The following IQCH variants were observed in gnomAD, a reference collection of about 807,000 sequenced individuals.
The protein encoded by IQCH is IQ domain-containing protein H.
IQCH carries 98 observed loss-of-function variants against 117.0 expected under a neutral mutation model. That is an observed-to-expected ratio of 0.84 (90% CI 0.71 to 0.99). IQCH has a LOEUF of 0.99. Among genes scored for constraint, IQCH ranks in the 50% least tolerant of loss-of-function variants. The pLI is 0.00. For synonymous variants in IQCH, 412 were observed against 448.2 expected, an observed-to-expected ratio of 0.92 and a Z score of 1.02; for missense variants, 1,102 against 1,243.8, an observed-to-expected ratio of 0.89 and a Z score of 1.72.
In IQCH at chr15:67,475,667, G is replaced by GT. The variant is rs757948715; in HGVS notation, c.2677-26dup. 2 of 1,601,894 alleles carry GT rather than the reference G, an allele frequency of 1.2e-6. No individual in the cohort carries two copies. The highest frequency in any genetic ancestry group is 1.7e-6 in the Non-Finnish European group (2 of 1,174,274). ...AAATTACAAGTTTATTTAAATATCT[G>GT]TTTAATATTCAGTTGTGCTCCTTTC... On this transcript the variant is annotated intron_variant, in intron 17 of 20. Transcript: ENST00000335894. The surrounding 1 kb of genome is among the most constrained non-coding windows in gnomAD (Gnocchi z 5.7).
intron 8 of IQCH, among the ~76,000 whole-genome samples, chr15:67,363,512 C>T (rs1045698020): frequency 6.6e-6 from 1 of 152,072 alleles, no homozygotes; most frequent in Non-Finnish European, 1.5e-5. Flanking sequence ...TCCCAAAGTG[C>T]TGGGATTACA....
intron 3 of IQCH, among the ~76,000 whole-genome samples, chr15:67,264,268 G>T (rs186467727): frequency 1.3e-4 from 20 of 152,334 alleles, no homozygotes; most frequent in Admixed American, 1.3e-3. Flanking sequence ...TGCCTGCAAG[G>T]CACTTGTATT....
chr15:67,371,101 C>A (rs981265790), intron 8 of IQCH, among the ~76,000 whole-genome samples: 3 of 152,050 alleles, frequency 2.0e-5, no homozygotes, highest in Non-Finnish European at 4.4e-5. Flanking sequence ...CATACCTAAG[C>A]AAGAAGAAAC....
chr15:67,431,569 T>C lies in IQCH; in HGVS notation c.2505+9992T>C, dbSNP rs1484818156. 2.0e-5 allele frequency among the ~76,000 whole-genome samples: 3 copies of C among 152,072 alleles called. 1 individual carries two copies. Among genetic ancestry groups the C allele is most frequent in the African/African-American group, 7.2e-5 (3 of 41,464 alleles). ...AATACCTGGGTGATGAAATAATGTG[T>C]ACAACAAACCCCCATGGCACAAGTT... On this transcript the variant is annotated intron_variant, in intron 16 of 20. Coordinates refer to ENST00000335894, the MANE Select transcript of IQCH (RefSeq NM_001031715.3). This position sits in a 1 kb window ranked among gnomAD's most constrained non-coding sequence, Gnocchi z 4.8.
In IQCH at chr15:67,467,644, CA is replaced by C. The variant is rs1165561322; in HGVS notation, c.2676+2348del. ...TCCTGTGCATGTGTACACATATGATCAGCGATTTTTTTAAAAAGAAGCATGT... is the reference window on the plus strand; with the variant it reads ...TCCTGTGCATGTGTACACATATGATCGCGATTTTTTTAAAAAGAAGCATGT... On this transcript the variant is annotated intron_variant, in intron 17 of 20. Transcript: ENST00000335894. This position sits in a 1 kb window ranked among gnomAD's most constrained non-coding sequence, Gnocchi z 5.7. 1.3e-5 allele frequency among the ~76,000 whole-genome samples: 2 copies of C among 152,190 alleles called. No homozygotes were observed. The highest frequency in any genetic ancestry group is 4.8e-5 in the African/African-American group (2 of 41,440).
Position 67,395,571 on chromosome 15 carries a change from G to A in IQCH, c.1905+8G>A. Reference sequence around the variant, plus strand: ...ATTTATAGTCAGCAACAGGTATGTGGGGTGGACAAGTGAAGCTCTGTTCAA... The same window carrying A: ...ATTTATAGTCAGCAACAGGTATGTGAGGTGGACAAGTGAAGCTCTGTTCAA... On this transcript the variant is annotated splice_region_variant and intron_variant, in intron 13 of 20. Transcript: ENST00000335894. This position sits in a 1 kb window ranked among gnomAD's most constrained non-coding sequence, Gnocchi z 4.0. 6.2e-7 allele frequency: 1 copy of A among 1,612,068 alleles called. No individual in the cohort carries two copies. The highest frequency in any genetic ancestry group is 1.1e-5 in the South Asian group (1 of 90,962).
rs747407041 is a variant in IQCH, at chr15:67,443,291, C to G, written c.2505+21714C>G. Among the ~76,000 whole-genome samples the G allele has an allele frequency of 3.3e-5, 5 of 152,214 alleles. No homozygotes were observed. Among genetic ancestry groups the G allele is most frequent in the Admixed American group, 6.5e-5 (1 of 15,280 alleles). On this transcript the variant is annotated intron_variant, in intron 16 of 20. Transcript: ENST00000335894. This position sits in a 1 kb window ranked among gnomAD's most constrained non-coding sequence, Gnocchi z 5.0. ...ACAGGCGTGAGCCACTGCGCCCAGC[C>G]TGGAGACTGTTATTCTAAGTGAAGT...
intron 1 of IQCH, among the ~76,000 whole-genome samples, chr15:67,259,831 T>A (rs1965385344): frequency 6.6e-6 from 1 of 152,198 alleles, no homozygotes. Context: ...TAGAAAGAAG[T>A]ATATCTTTAT....
chr15:67,487,602 A>G (rs995553433), intron 18 of IQCH, among the ~76,000 whole-genome samples: 1 of 152,186 alleles, frequency 6.6e-6, no homozygotes, highest in African/African-American at 2.4e-5. Context: ...GGGCTCCAAT[A>G]TGACTCAGCA....
In IQCH at chr15:67,342,902, G is replaced by A. The variant is rs1969233193; in HGVS notation, c.509-1161G>A. 6.6e-6 allele frequency among the ~76,000 whole-genome samples: 1 copy of A among 152,134 alleles called. No individual in the cohort carries two copies. Among genetic ancestry groups the A allele is most frequent in the Admixed American group, 6.5e-5 (1 of 15,276 alleles). On this transcript the variant is annotated intron_variant, in intron 5 of 20. Transcript: ENST00000335894. This position sits in a 1 kb window ranked among gnomAD's most constrained non-coding sequence, Gnocchi z 4.7. ...TGCAGATTCCCAGGCCCTGTCCTCA[G>A]AAGTTTGGACAGGTTGAGTTGGGGC...
chr15:67,498,335 G>T (rs889094786), intron 20 of IQCH, among the ~76,000 whole-genome samples: 10 of 152,272 alleles, frequency 6.6e-5, no homozygotes, highest in African/African-American at 2.2e-4. Context: ...GTTAAAATGG[G>T]CCGGGCGCGG....
Position 67,280,259 on chromosome 15 carries a change from T to TA in IQCH, c.387+749dup, listed in dbSNP as rs561794994. Among the ~76,000 whole-genome samples the TA allele has an allele frequency of 8.7e-3, 1,318 of 152,338 alleles. 16 individuals are homozygous for TA. Among genetic ancestry groups the TA allele is most frequent in the African/African-American group, 0.029 (1,192 of 41,576 alleles). ...CAAGACATAATACCTTCACATTTTTTAACAGAGCCAGGTGGCAAAGAATAG... is the reference window on the plus strand; with the variant it reads ...CAAGACATAATACCTTCACATTTTTTAAACAGAGCCAGGTGGCAAAGAATAG... On this transcript the variant is annotated intron_variant, in intron 4 of 20. Transcript: ENST00000335894.
intron 8 of IQCH, among the ~76,000 whole-genome samples, chr15:67,368,710 T>C (rs1970418338): frequency 6.6e-6 from 1 of 152,216 alleles, no homozygotes; most frequent in South Asian, 2.1e-4. Context: ...ATCCATGTGG[T>C]ATTATCCCAA....
In IQCH at chr15:67,372,152, G is replaced by A; in HGVS notation, c.795G>A (p.Leu265=). ...VKTPLRALKS[L]WDYDFLIYDG... is the part of the protein sequence containing the mutation. ...CACCTTTGAGAGCCCTGAAATCACT[G>A]TGGGATTATGACTTTTTAATTTATG... is the stretch of plus-strand genomic sequence containing the variant. The change falls in exon 9 of 21, where the codon CTG becomes CTA. Residue 265 remains leucine, a synonymous_variant. Coordinates refer to ENST00000335894, the MANE Select transcript of IQCH (RefSeq NM_001031715.3). 7 of 1,613,172 alleles carry A rather than the reference G, an allele frequency of 4.3e-6. No individual in the cohort carries two copies. Among genetic ancestry groups the A allele is most frequent in the African/African-American group, 1.3e-5 (1 of 74,926 alleles).
intron 16 of IQCH, among the ~76,000 whole-genome samples, chr15:67,450,819 G>T (rs1427938162): frequency 1.3e-5 from 2 of 150,358 alleles, no homozygotes; most frequent in Admixed American, 6.7e-5. Flanking sequence ...TCTTTGTACC[G>T]CTGGTAGAAT....
chr15:67,423,564 G>C (rs2081803164), intron 16 of IQCH, among the ~76,000 whole-genome samples: 1 of 150,314 alleles, frequency 6.7e-6, no homozygotes, highest in Non-Finnish European at 1.5e-5. Context: ...CTCCAGTCTG[G>C]GTGACAGAGT....
At chr15:67,273,499 A>C (rs1405300248) in intron 3 of IQCH, among the ~76,000 whole-genome samples, 1 of 152,198 alleles carries the variant, frequency 6.6e-6, no homozygotes. Context: ...AGATAATGTT[A>C]TCTTAGATCA....
chr15:67,346,124 A>C (rs530826996), intron 6 of IQCH, among the ~76,000 whole-genome samples: 11 of 152,318 alleles, frequency 7.2e-5, no homozygotes, highest in African/African-American at 2.4e-4. Context: ...TATTACTATC[A>C]GATGAAGACA....
intron 15 of IQCH, 136 bp from the exon 16 acceptor site, chr15:67,421,155 A>G (rs1025375528): frequency 1.8e-5 from 12 of 675,514 alleles, no homozygotes; most frequent in Non-Finnish European, 2.5e-5. Context: ...TGCCCATATT[A>G]CGGATAAAGA....
Sources: allele counts gnomAD v4.1 joint callset (sites outside exome capture counted in the v4.1 genomes callset), GRCh38; gene constraint gnomAD v4.1.1; non-coding constraint Gnocchi (gnomAD v3.1); transcripts MANE v1.5; gene names NCBI Gene and HGNC (gene_info 2026-07-23, HGNC 2026-07-21).